Variants in MBD5 observed in about 807,000 individuals in gnomAD.
MBD5 encodes the protein methyl-CpG binding domain protein 5, also known as methyl-CpG-binding domain protein 5.
In MBD5, 13 loss-of-function variants were observed where a neutral mutation model predicts 117.3. The ratio of observed to expected loss-of-function variants is 0.11; its 90% CI spans 0.07 to 0.18. The LOEUF is 0.18. MBD5 is among the 10% of genes least tolerant of loss of function. MBD5 has a pLI of 1.00. For missense variants in MBD5, 1,879 were observed against 2,093.8 expected (o/e 0.90, Z 2.00); for synonymous variants, 727 against 766.4 (o/e 0.95, Z 0.85).
intron 1 of MBD5, among the ~76,000 whole-genome samples, chr2:148,134,210 T>A (rs193080689): frequency 3.9e-3 from 513 of 130,108 alleles, no homozygotes; most frequent in East Asian, 8.6e-3. Context: ...GATAGATAGA[T>A]GACAGATAGA....
intron 10 of MBD5, among the ~76,000 whole-genome samples, chr2:148,488,284 G>A (rs1021062941): frequency 1.3e-5 from 2 of 152,182 alleles, no homozygotes; most frequent in East Asian, 1.9e-4. Flanking sequence ...GAATAGTCTC[G>A]GAGATGGTGA....
rs188126861 is a variant in MBD5 at position 148,244,811 on chromosome 2, G to A, written c.-680+11416G>A. ...GATGGTTAATGGTGTCCTAAACAGT[G>A]TGCTTGAGATGTAGGGAGTAGTTGT... On this transcript the variant is annotated intron_variant, in intron 3 of 13. Coordinates refer to ENST00000642680, the MANE Select transcript of MBD5 (RefSeq NM_001378120.1). 7.4e-4 allele frequency among the ~76,000 whole-genome samples: 112 copies of A among 152,246 alleles called. No homozygotes were observed. The Middle Eastern group carries it at 0.014, about 18-fold the overall frequency.
intron 4 of MBD5, among the ~76,000 whole-genome samples, chr2:148,432,219 T>A (rs956318615): frequency 6.6e-6 from 1 of 152,024 alleles, no homozygotes; most frequent in Non-Finnish European, 1.5e-5. Flanking sequence ...TTTAATGGGG[T>A]TGTTTCTTGT....
intron 4 of MBD5, among the ~76,000 whole-genome samples, chr2:148,450,788 G>A (rs1320863172): frequency 6.6e-6 from 1 of 152,134 alleles, no homozygotes; most frequent in Non-Finnish European, 1.5e-5. Context: ...GCAATTTTGT[G>A]GCAGCCTACC....
intron 1 of MBD5, among the ~76,000 whole-genome samples, chr2:148,032,224 G>A (rs947552959): frequency 3.9e-5 from 6 of 152,048 alleles, no homozygotes; most frequent in African/African-American, 1.4e-4. Context: ...CTGGGATAGT[G>A]AGCAAAAATA....
At chr2:148,224,735 T>C (rs1316226983) in intron 2 of MBD5, among the ~76,000 whole-genome samples, 1 of 151,816 alleles carries the variant, frequency 6.6e-6, no homozygotes, top group Admixed American at 6.6e-5. Context: ...AATCTGGGTG[T>C]GTCAGTGTTG....
intron 1 of MBD5, among the ~76,000 whole-genome samples, chr2:148,077,332 G>T (rs1002555579): frequency 9.2e-5 from 14 of 152,156 alleles, no homozygotes; most frequent in African/African-American, 3.4e-4. Flanking sequence ...GTAGGCATAG[G>T]TGACTATTTG....
At position 148,238,190 on chromosome 2, in the gene MBD5, G is replaced by A. The variant is rs188158148; in HGVS notation, c.-680+4795G>A. On this transcript the variant is annotated intron_variant, in intron 3 of 13. Transcript: ENST00000642680. Reference sequence around the variant, plus strand: ...TTCTGTTTTACTGCTGCTAAATTTTGTTCACATTGAAGTGTCCAAACAAGC... The same window carrying A: ...TTCTGTTTTACTGCTGCTAAATTTTATTCACATTGAAGTGTCCAAACAAGC... 8.5e-5 allele frequency among the ~76,000 whole-genome samples: 13 copies of A among 152,204 alleles called. No homozygotes were observed. The East Asian group carries it at 2.3e-3, about 27-fold the overall frequency.
chr2:148,036,234 A>G (rs1383310994), intron 1 of MBD5, among the ~76,000 whole-genome samples: 1 of 152,142 alleles, frequency 6.6e-6, no homozygotes, highest in East Asian at 1.9e-4. Flanking sequence ...TAGCAATAAG[A>G]AAGTCAGTGG....
intron 3 of MBD5, among the ~76,000 whole-genome samples, chr2:148,247,572 C>T (rs1700368286): frequency 6.6e-6 from 1 of 152,074 alleles, no homozygotes; most frequent in Admixed American, 6.6e-5. Flanking sequence ...TAAGCTTGTA[C>T]AGCGTATTGA....
At chr2:148,405,429 G>C (rs1705046022) in intron 4 of MBD5, among the ~76,000 whole-genome samples, 1 of 152,200 alleles carries the variant, frequency 6.6e-6, no homozygotes, top group Non-Finnish European at 1.5e-5. Flanking sequence ...ATTATGAAGT[G>C]ATGAGCAACA....
chr2:148,357,195 G>T (rs1335468344), intron 4 of MBD5, among the ~76,000 whole-genome samples: 2 of 152,142 alleles, frequency 1.3e-5, no homozygotes, highest in Admixed American at 1.3e-4. Context: ...TTGACATTTT[G>T]TACCACTTTC....
At chr2:148,374,432 T>G (rs1703939889) in intron 4 of MBD5, among the ~76,000 whole-genome samples, 1 of 152,228 alleles carries the variant, frequency 6.6e-6, no homozygotes, top group South Asian at 2.1e-4. Flanking sequence ...GACTTCCTTT[T>G]ATTTTTCTTG....
intron 1 of MBD5, among the ~76,000 whole-genome samples, chr2:148,038,795 T>C (rs1694272549): frequency 6.6e-6 from 1 of 152,008 alleles, no homozygotes. Flanking sequence ...TTAATTTGGT[T>C]TTTGATGTTA....
chr2:148,074,495 G>GTTTTGTTTTTTGT (rs1695444070), intron 1 of MBD5, among the ~76,000 whole-genome samples: 1 of 109,830 alleles, frequency 9.1e-6, no homozygotes, highest in African/African-American at 3.6e-5. Context: ...TTTTTTTTTT[G>GTTTTGTTTTTTGT]TTTTTTTTTT....
intron 4 of MBD5, among the ~76,000 whole-genome samples, chr2:148,430,597 C>A (rs1271647243): frequency 6.6e-6 from 1 of 151,984 alleles, no homozygotes; most frequent in Non-Finnish European, 1.5e-5. Flanking sequence ...TAATCAACTT[C>A]TCATTGTAAT....
At chr2:148,183,712 C>T (rs1341363826) in intron 2 of MBD5, among the ~76,000 whole-genome samples, 1 of 152,102 alleles carries the variant, frequency 6.6e-6, no homozygotes, top group Non-Finnish European at 1.5e-5. Flanking sequence ...TTTCCCAAGA[C>T]ATTTTGTCAG....
At chr2:148,298,260 G>A (rs2106466206) in intron 3 of MBD5, among the ~76,000 whole-genome samples, 1 of 152,276 alleles carries the variant, frequency 6.6e-6, no homozygotes, top group East Asian at 1.9e-4. Context: ...TACATAGCTG[G>A]GGTCATGAGA....
rs556947480 is a variant in MBD5 at position 148,218,938 on chromosome 2, C to G, written c.-830-14307C>G. 7.9e-4 allele frequency among the ~76,000 whole-genome samples: 121 copies of G among 152,246 alleles called. No homozygotes were observed. In the Middle Eastern group the frequency reaches 0.01, roughly 13 times the overall value. ...ATGTAGACTTTATAAATAATGTAGA[C>G]TTAGGCTACACTAAATTTATTTTAA... is the stretch of plus-strand genomic sequence containing the variant. On this transcript the variant is annotated intron_variant, in intron 2 of 13. Transcript: ENST00000642680.
Sources: gnomAD v4.1 joint callset for allele counts (sites outside exome capture counted in the v4.1 genomes callset) on GRCh38, gnomAD v4.1.1 for gene constraint, MANE v1.5 for transcripts, NCBI Gene and HGNC (gene_info 2026-07-23, HGNC 2026-07-21) for gene names.